The following RGS6 variants were observed in gnomAD, a reference collection of about 807,000 sequenced individuals.
RGS6 encodes regulator of G protein signaling 6, also known as regulator of G-protein signaling 6.
In RGS6, 30 loss-of-function variants were observed where a neutral mutation model predicts 78.5. The observed-to-expected ratio is 0.38, with a 90% CI of 0.29 to 0.52. The LOEUF is 0.52. Ranked by LOEUF, RGS6 falls within the 20% of genes least tolerant of loss-of-function variation. RGS6 has a pLI of 0.85. For missense variants in RGS6, 495 were observed against 609.7 expected (o/e 0.81, Z 1.98); for synonymous variants, 206 against 206.0 (o/e 1.00, Z 0.00).
At chr14:72,321,297 AT>A (rs1482921186) in intron 2 of RGS6, among the ~76,000 whole-genome samples, 1 of 151,950 alleles carries the variant, frequency 6.6e-6, no homozygotes, top group African/African-American at 2.4e-5. Context: ...AGAGTAGAAG[AT>A]TTTTTTAAAA....
intron 2 of RGS6, among the ~76,000 whole-genome samples, chr14:72,205,747 G>A (rs59061161): frequency 2.6e-5 from 4 of 152,156 alleles, no homozygotes; most frequent in African/African-American, 7.2e-5. Flanking sequence ...TACTGGCTAA[G>A]GCTCAGAAAA....
At chr14:72,063,254 G>A (rs921967934) in intron 2 of RGS6, among the ~76,000 whole-genome samples, 10 of 152,188 alleles carry the variant, frequency 6.6e-5, no homozygotes, top group Non-Finnish European at 1.3e-4. Flanking sequence ...AAAAGGAGCA[G>A]CCATTGAGGA....
rs1358835586 is a variant in RGS6, at chr14:71,994,870, G to A, written c.84+29995G>A. ...AACTGTGGGACGATACATTTCTTTT[G>A]TTGAAGCCACTCAGTTTGTGGTACT... On this transcript the variant is annotated intron_variant, in intron 2 of 17. Coordinates refer to ENST00000553525, the MANE Select transcript of RGS6 (RefSeq NM_001204424.2). Among the ~76,000 whole-genome samples, 4 of 152,160 alleles carry A rather than the reference G, an allele frequency of 2.6e-5. No individual in the cohort carries two copies. In the East Asian group the frequency reaches 7.7e-4, roughly 29 times the overall value.
At chr14:72,528,308 C>A (rs141848537) in intron 15 of RGS6, among the ~76,000 whole-genome samples, 2 of 152,290 alleles carry the variant, frequency 1.3e-5, no homozygotes, top group East Asian at 3.9e-4. Context: ...TGGTTTTGAT[C>A]CTGCCTTAGC....
upstream of RGS6, among the ~76,000 whole-genome samples, chr14:71,931,254 A>AC (rs1166029267): frequency 6.9e-6 from 1 of 145,746 alleles, no homozygotes; most frequent in African/African-American, 2.5e-5. Flanking sequence ...GTTTCCCCCC[A>AC]CCCCCCGCCT....
chr14:72,405,745 A>C (rs572797904), intron 3 of RGS6, among the ~76,000 whole-genome samples: 22 of 152,314 alleles, frequency 1.4e-4, no homozygotes, highest in African/African-American at 5.1e-4. Context: ...CCACATTAGC[A>C]CTAGGTCTCC....
At chr14:72,036,351 T>A (rs1276357799) in intron 2 of RGS6, among the ~76,000 whole-genome samples, 1 of 152,022 alleles carries the variant, frequency 6.6e-6, no homozygotes, top group Non-Finnish European at 1.5e-5. Context: ...GAATTAAGCT[T>A]CTATAATCAT....
chr14:71,874,637 T>C, the RGS6 span, among the ~76,000 whole-genome samples: 1 of 152,180 alleles, frequency 6.6e-6, no homozygotes, highest in African/African-American at 2.4e-5. Context: ...CCTTTATTTC[T>C]TTCTCCTGCC....
chr14:72,363,507 G>C (rs2152802219), intron 3 of RGS6, among the ~76,000 whole-genome samples: 1 of 152,312 alleles, frequency 6.6e-6, no homozygotes, highest in South Asian at 2.1e-4. Flanking sequence ...GTAAATAGCA[G>C]GATCTGTTCC....
At chr14:71,992,968 T>C (rs2095031531) in intron 2 of RGS6, among the ~76,000 whole-genome samples, 1 of 152,232 alleles carries the variant, frequency 6.6e-6, no homozygotes, top group Admixed American at 6.5e-5. Flanking sequence ...TCTCTATTAA[T>C]TTGTTGGAGC....
chr14:71,929,087 T>C (rs1458356950), upstream of RGS6, among the ~76,000 whole-genome samples: 1 of 152,210 alleles, frequency 6.6e-6, no homozygotes, highest in Non-Finnish European at 1.5e-5. Flanking sequence ...GTGATGCCCC[T>C]TTACCACTTC....
At chr14:72,591,488 G>A in the RGS6 span, among the ~76,000 whole-genome samples, 1 of 152,072 alleles carries the variant, frequency 6.6e-6, no homozygotes, top group East Asian at 1.9e-4. Context: ...ATTGGCTTCA[G>A]ACCAAAATAA....
chr14:72,555,734 C>G (rs980712153), intron 17 of RGS6, among the ~76,000 whole-genome samples: 2 of 152,206 alleles, frequency 1.3e-5, no homozygotes, highest in African/African-American at 4.8e-5. Context: ...TTTCCTTGTT[C>G]GTTTAGTGGA....
At position 72,295,779 on chromosome 14, in the gene RGS6, G is replaced by C. The variant is rs190506973; in HGVS notation, c.85-56316G>C. Among the ~76,000 whole-genome samples the C allele has an allele frequency of 1.5e-3, 231 of 152,282 alleles. 3 individuals carry two copies. Among genetic ancestry groups the C allele is most frequent in the African/African-American group, 5.4e-3 (226 of 41,568 alleles). On this transcript the variant is annotated intron_variant, in intron 2 of 17. Transcript: ENST00000553525. ...AGTAAATAAAAATAACTACACAAAG[G>C]AAACTGCTATTAGCGTTTGTTACCA...
rs141343224 is a variant in RGS6 at position 72,131,411 on chromosome 14, G to C, written c.84+166536G>C. Among the ~76,000 whole-genome samples, 63 of 152,274 alleles carry C rather than the reference G, an allele frequency of 4.1e-4. No individual in the cohort carries two copies. The East Asian group carries it at 0.011, about 26-fold the overall frequency. On this transcript the variant is annotated intron_variant, in intron 2 of 17. Transcript: ENST00000553525. ...CAAATCAAATATTTAAAATTGCAAT[G>C]CTCCCTTATCTGGAATTTTATTTTG...
intron 2 of RGS6, among the ~76,000 whole-genome samples, chr14:72,193,045 T>C (rs1012329732): frequency 4.7e-5 from 7 of 150,156 alleles, no homozygotes; most frequent in Non-Finnish European, 8.9e-5. Flanking sequence ...CAGGCTGGAG[T>C]GCAGTGGCAC....
intron 17 of RGS6, among the ~76,000 whole-genome samples, chr14:72,544,976 C>G (rs540117082): frequency 6.6e-6 from 1 of 152,218 alleles, no homozygotes; most frequent in Admixed American, 6.5e-5. Context: ...GCTCCTGCCC[C>G]CAGGAAGGCG....
intron 2 of RGS6, among the ~76,000 whole-genome samples, chr14:72,152,192 G>T (rs533305783): frequency 2.0e-4 from 30 of 152,072 alleles, no homozygotes; most frequent in Non-Finnish European, 4.0e-4. Context: ...ATAAGGTAGT[G>T]TTCTTCAGAT....
chr14:71,881,580 C>T, the RGS6 span, among the ~76,000 whole-genome samples: 1 of 152,224 alleles, frequency 6.6e-6, no homozygotes, highest in African/African-American at 2.4e-5. Context: ...TCCCTCAGTT[C>T]TCATTCTGTC....
Sources: gnomAD v4.1 joint callset for allele counts (sites outside exome capture counted in the v4.1 genomes callset) on GRCh38, gnomAD v4.1.1 for gene constraint, MANE v1.5 for transcripts, NCBI Gene and HGNC (gene_info 2026-07-23, HGNC 2026-07-21) for gene names.